Variants in VAV1 observed in about 807,000 individuals in gnomAD.
VAV1 encodes proto-oncogene vav.
In VAV1, 33 loss-of-function variants were observed where a neutral mutation model predicts 128.1. The ratio of observed to expected loss-of-function variants is 0.26; its 90% CI spans 0.20 to 0.34. The LOEUF is 0.34. VAV1 is among the 10% of genes least tolerant of loss of function. The pLI is 1.00. For synonymous variants in VAV1, 394 were observed against 409.8 expected, an observed-to-expected ratio of 0.96 and a Z score of 0.47; for missense variants, 715 against 1,093.7, an observed-to-expected ratio of 0.65 and a Z score of 4.88.
At chr19:6,804,881 G>A (rs918482669) in intron 1 of VAV1, among the ~76,000 whole-genome samples, 10 of 151,686 alleles carry the variant, frequency 6.6e-5, no homozygotes, top group Admixed American at 5.9e-4. Flanking sequence ...CCGCCACCAT[G>A]CCCGGCTAAT....
chr19:6,783,124 G>C (rs941874146), intron 1 of VAV1, among the ~76,000 whole-genome samples: 1 of 152,184 alleles, frequency 6.6e-6, no homozygotes, highest in Non-Finnish European at 1.5e-5. Flanking sequence ...AGGCTACAGT[G>C]AGCTGAGATC....
Position 6,833,533 on chromosome 19 carries a change from C to T in VAV1, c.1616C>T (p.Thr539Ile). The T allele has an allele frequency of 6.2e-7, 1 of 1,602,450 alleles. No homozygotes were observed. The change falls in exon 17 of 27, where the codon ACC (threonine) becomes ATC (isoleucine). Residue 539 changes from threonine (T) to isoleucine (I), a missense_variant. Thr to Ile is a moderately conservative substitution (Grantham distance 89, BLOSUM62 -1). This residue lies in a region of VAV1 where 407 missense variants were observed against 580.6 expected (regional missense o/e 0.70). Transcript: ENST00000602142. ...CKACQMLLRG[T>I]FYQGYRCHRC... ...ATGTGTTCCCTGCATCTCAGAGGTA[C>T]CTTCTATCAGGGCTACCGCTGCCAT...
At chr19:6,824,135 C>T (rs907494026) in intron 6 of VAV1, among the ~76,000 whole-genome samples, 4 of 151,614 alleles carry the variant, frequency 2.6e-5, no homozygotes, top group African/African-American at 9.7e-5. Context: ...GATATGGGGT[C>T]TTGCTATGTT....
At chr19:6,839,979 G>A (rs867018875) in intron 21 of VAV1, among the ~76,000 whole-genome samples, 4 of 151,904 alleles carry the variant, frequency 2.6e-5, no homozygotes, top group Middle Eastern at 6.8e-3. Flanking sequence ...GGCCTGAGCC[G>A]CCATGCCCGG....
At chr19:6,849,823 AT>A (rs1307969776) in intron 23 of VAV1, among the ~76,000 whole-genome samples, 5 of 151,946 alleles carry the variant, frequency 3.3e-5, no homozygotes, top group Non-Finnish European at 7.4e-5. Context: ...ACATTTTCTT[AT>A]CCAGTCCACT....
intron 1 of VAV1, among the ~76,000 whole-genome samples, chr19:6,804,531 C>G (rs1971344644): frequency 6.7e-6 from 1 of 149,568 alleles, no homozygotes; most frequent in Admixed American, 6.7e-5. Context: ...ATTCTCCTGC[C>G]TCACCCTTCT....
Position 6,828,873 on chromosome 19 carries a change from C to T in VAV1, c.1238C>T (p.Ser413Leu), listed in dbSNP as rs1312096452. 2 of 1,614,078 alleles carry T rather than the reference C, an allele frequency of 1.2e-6. No homozygotes were observed. Among genetic ancestry groups the T allele is most frequent in the Admixed American group, 1.7e-5 (1 of 60,010 alleles). Residue 413 changes from serine (S) to leucine (L), a missense_variant, in exon 13 of 27, where the codon TCG becomes TTG. Around this residue, in one of 3 missense-constraint regions of VAV1, gnomAD observed 407 missense variants for 580.6 expected, o/e 0.70. Coordinates refer to ENST00000602142, the MANE Select transcript of VAV1 (RefSeq NM_005428.4). This position sits in a 1 kb window ranked among gnomAD's most constrained non-coding sequence, Gnocchi z 4.5. The part of the protein sequence containing the change: ...PKIDGELKIT[S>L]VERRSKMDRY... Reference sequence around the variant, plus strand: ...ATCGACGGGGAACTCAAGATCACCTCGGTGGAACGGCGCTCCAAGATGGAC... The same window carrying T: ...ATCGACGGGGAACTCAAGATCACCTTGGTGGAACGGCGCTCCAAGATGGAC...
At chr19:6,835,596 C>T (rs1420991667) in intron 19 of VAV1, among the ~76,000 whole-genome samples, 1 of 152,118 alleles carries the variant, frequency 6.6e-6, no homozygotes, top group Non-Finnish European at 1.5e-5. Flanking sequence ...ATTAATTTTG[C>T]CTGCTCTTGA....
chr19:6,825,243 C>G, intron 7 of VAV1, 60 bp from the exon 8 acceptor site: 1 of 1,582,868 alleles, frequency 6.3e-7, no homozygotes, highest in Non-Finnish European at 8.6e-7. Context: ...ATGACCCTTT[C>G]CTTCCTGGCC....
At chr19:6,815,931 G>A (rs927988322) in intron 1 of VAV1, among the ~76,000 whole-genome samples, 2 of 152,004 alleles carry the variant, frequency 1.3e-5, no homozygotes, top group African/African-American at 2.4e-5. Flanking sequence ...GCTCCCACCC[G>A]TAATACCAAC....
chr19:6,776,695 C>A (rs1970651819), intron 1 of VAV1, among the ~76,000 whole-genome samples: 1 of 149,502 alleles, frequency 6.7e-6, no homozygotes, highest in Non-Finnish European at 1.5e-5. Context: ...CACCCACCCA[C>A]CCATTCACCT....
At position 6,833,258 on chromosome 19, in the gene VAV1, C is replaced by A; in HGVS notation, c.1583C>A (p.Ser528Tyr). The change falls in exon 16 of 27, where the codon TCC becomes TAC. Residue 528 changes from serine (S) to tyrosine (Y), a missense_variant. Physicochemically the swap from Ser to Tyr is moderately radical, Grantham distance 144. Transcript: ENST00000602142. ...FQMFSFEETT[S>Y]CKACQMLLRG... The stretch of plus-strand genomic sequence containing the variant: ...ATGTTCTCCTTTGAGGAGACCACAT[C>A]CTGCAAGGCCTGTCAGATGCTGCTT... The A allele has an allele frequency of 6.2e-7, 1 of 1,613,178 alleles. No homozygotes were observed. The highest frequency in any genetic ancestry group is 8.5e-7 in the Non-Finnish European group (1 of 1,179,776).
Position 6,857,252 on chromosome 19 carries a change from C to A in VAV1, c.*145C>A. 2 of 1,086,532 alleles carry A rather than the reference C, an allele frequency of 1.8e-6. No individual in the cohort carries two copies. Among genetic ancestry groups the A allele is most frequent in the South Asian group, 1.6e-5 (1 of 64,290 alleles). 67.3% of individuals were successfully genotyped at this position (1,086,532 alleles called of 1,614,324 possible). A position where few individuals can be genotyped will look rare whatever the true frequency, so the allele number is the denominator to read the frequency against. ...AGGCCAGCGTCCAGCTGGCGGTGCT[C>A]CCGGGATGTGCCCTGACATGGTTAA... On this transcript the variant is annotated 3_prime_UTR_variant, in exon 27 of 27. Transcript: ENST00000602142.
intron 25 of VAV1, among the ~76,000 whole-genome samples, chr19:6,853,514 A>T (rs1319712865): frequency 1.3e-5 from 2 of 151,912 alleles, no homozygotes; most frequent in Admixed American, 6.6e-5. Context: ...ACTTGAGGTT[A>T]GGAGTTCAAG....
chr19:6,789,480 T>C (rs1970969418), intron 1 of VAV1, among the ~76,000 whole-genome samples: 1 of 152,172 alleles, frequency 6.6e-6, no homozygotes, highest in Admixed American at 6.6e-5. Flanking sequence ...CTCAATTTCC[T>C]GACTTCATGA....
rs1035155318 is a variant in VAV1, at chr19:6,779,815, T to C, written c.204+6804T>C. ...CCGTGCCTGGCCCAATTATAGCTTC[T>C]AAAAAATAATAAAAGGCCGGGCACG... is the stretch of plus-strand genomic sequence containing the variant. On this transcript the variant is annotated intron_variant, in intron 1 of 26. Transcript: ENST00000602142. Among the ~76,000 whole-genome samples, 9 of 148,500 alleles carry C rather than the reference T, an allele frequency of 6.1e-5. 1 individual carries two copies. The highest frequency in any genetic ancestry group is 9.0e-5 in the Non-Finnish European group (6 of 66,612).
intron 1 of VAV1, among the ~76,000 whole-genome samples, chr19:6,808,833 G>A (rs963577874): frequency 6.6e-6 from 1 of 152,112 alleles, no homozygotes; most frequent in African/African-American, 2.4e-5. Context: ...GCTGGGGTAG[G>A]TAGTCTAGGA....
At chr19:6,816,606 A>G (rs1344277297) in intron 1 of VAV1, 3 of 150,818 alleles carry the variant, frequency 2.0e-5, no homozygotes, top group East Asian at 1.9e-4. Context: ...CTCCTCCCCT[A>G]ACTTACTCTT....
intron 1 of VAV1, among the ~76,000 whole-genome samples, chr19:6,803,993 A>G (rs1971329162): frequency 6.6e-6 from 1 of 152,156 alleles, no homozygotes; most frequent in African/African-American, 2.4e-5. Flanking sequence ...TACATACTAT[A>G]TGATACCAGC....
Sources: gnomAD v4.1 joint callset for allele counts (sites outside exome capture counted in the v4.1 genomes callset) on GRCh38, gnomAD v4.1.1 for gene constraint, gnomAD v4.1.1 regional missense constraint, Gnocchi (gnomAD v3.1) non-coding constraint, MANE v1.5 for transcripts, NCBI Gene and HGNC (gene_info 2026-07-23, HGNC 2026-07-21) for gene names.